UBE2F: variants seen among roughly 807,000 people sequenced by gnomAD.
UBE2F encodes the protein ubiquitin conjugating enzyme E2 F (putative).
A neutral mutation model predicts 29.6 loss-of-function variants in UBE2F; 5 were observed. The observed-to-expected ratio is 0.17, with a 90% confidence interval of 0.09 to 0.36. The LOEUF (loss-of-function observed/expected upper bound fraction) is 0.36, where lower values mean the gene tolerates loss of function less well. UBE2F is among the 10% of genes least tolerant of loss of function. The probability of loss-of-function intolerance (pLI) is 1.00; values close to 1 mark genes in which losing one functional copy is unlikely to be tolerated. For synonymous variants in UBE2F, 66 were observed against 81.8 expected (o/e 0.81, Z 1.04); for missense variants, 141 against 228.5 (o/e 0.62, Z 2.47).
At chr2:237,976,799 G>C (rs1191296100) in intron 2 of UBE2F, among the ~76,000 whole-genome samples, 2 of 152,094 alleles carry the variant, frequency 1.3e-5, no homozygotes, top group East Asian at 3.8e-4. Context: ...ACTTAATGGG[G>C]TAATTCTTGT....
At chr2:238,016,723 C>T in intron 5 of UBE2F, 90 bp downstream of exon 5, 1 of 1,081,856 alleles carries the variant, frequency 9.2e-7, no homozygotes, top group Non-Finnish European at 1.4e-6. Context: ...CCCTAGCACT[C>T]CCCTCTGCGT....
At chr2:237,999,262 G>T (rs2063746582) in intron 4 of UBE2F, among the ~76,000 whole-genome samples, 1 of 152,104 alleles carries the variant, frequency 6.6e-6, no homozygotes, top group Non-Finnish European at 1.5e-5. Context: ...TAGAGACGGG[G>T]TTTTGCTGTG....
intron 5 of UBE2F, among the ~76,000 whole-genome samples, chr2:238,018,059 A>G (rs898230784): frequency 6.6e-6 from 1 of 152,236 alleles, no homozygotes; most frequent in Non-Finnish European, 1.5e-5. Context: ...AAATTTGTAG[A>G]CAAAGATGGG....
intron 1 of UBE2F, among the ~76,000 whole-genome samples, chr2:237,971,355 A>G (rs918674252): frequency 6.6e-6 from 1 of 151,968 alleles, no homozygotes; most frequent in Non-Finnish European, 1.5e-5. Context: ...TTTGAGTCTC[A>G]CTCTGTTGCC....
intron 1 of UBE2F, chr2:237,968,805 C>T: frequency 1.0e-6 from 1 of 981,256 alleles, no homozygotes; most frequent in Non-Finnish European, 1.2e-6. Flanking sequence ...TACCGAAATG[C>T]TGCCTTAGAG....
intron 1 of UBE2F, among the ~76,000 whole-genome samples, chr2:237,972,567 T>TGAGACAGGG (rs1576585818): frequency 5.6e-5 from 4 of 71,940 alleles, no homozygotes; most frequent in East Asian, 5.0e-4. Context: ...TTTTTTTTTT[T>TGAGACAGGG]TGAGACAGGG....
At chr2:237,978,644 G>C (rs951933418) in intron 2 of UBE2F, among the ~76,000 whole-genome samples, 3 of 152,208 alleles carry the variant, frequency 2.0e-5, no homozygotes, top group African/African-American at 7.2e-5. Context: ...CTCTGGGCTG[G>C]AGCTGGAGTG....
intron 2 of UBE2F, among the ~76,000 whole-genome samples, chr2:237,976,733 C>T (rs763100863): frequency 2.5e-4 from 38 of 152,158 alleles, no homozygotes; most frequent in Non-Finnish European, 5.3e-4. Flanking sequence ...TTAATACTAC[C>T]ACAGTGGGGA....
At chr2:238,016,178 C>G (rs2064147387) in intron 4 of UBE2F, among the ~76,000 whole-genome samples, 2 of 152,276 alleles carry the variant, frequency 1.3e-5, no homozygotes, top group Middle Eastern at 3.4e-3. Context: ...AATTGACATT[C>G]TCTTGGGGAG....
rs778748763 is a variant in UBE2F, at chr2:237,971,544, G to A, written c.-16-1548G>A. Among the ~76,000 whole-genome samples the A allele has an allele frequency of 5.9e-5, 9 of 151,970 alleles. No homozygotes were observed. The South Asian group carries it at 6.2e-4, about 10-fold the overall frequency. On this transcript the variant is annotated intron_variant, in intron 1 of 9. Coordinates refer to ENST00000272930, the MANE Select transcript of UBE2F (RefSeq NM_080678.3). ...TCACCATGTTGGCCAGGGTGGTCTCGGTCTCCTGGCCTCATAATCCACCTG... is the reference window on the plus strand; with the variant it reads ...TCACCATGTTGGCCAGGGTGGTCTCAGTCTCCTGGCCTCATAATCCACCTG...
chr2:237,988,779 T>G (rs1056751442), intron 3 of UBE2F, among the ~76,000 whole-genome samples: 14 of 152,120 alleles, frequency 9.2e-5, no homozygotes, highest in Admixed American at 9.2e-4. Flanking sequence ...CAGTTCCACT[T>G]TTGTTAGGGA....
intron 7 of UBE2F, among the ~76,000 whole-genome samples, chr2:238,031,251 C>G (rs1209258859): frequency 6.6e-6 from 1 of 152,242 alleles, no homozygotes; most frequent in East Asian, 1.9e-4. Context: ...GGTCGTGCCT[C>G]TACCTGGAAG....
At chr2:237,980,804 C>A (rs1017076104) in intron 2 of UBE2F, among the ~76,000 whole-genome samples, 1 of 152,154 alleles carries the variant, frequency 6.6e-6, no homozygotes, top group Non-Finnish European at 1.5e-5. Context: ...AGGGCTTGGG[C>A]AGATTACATG....
intron 1 of UBE2F, among the ~76,000 whole-genome samples, chr2:237,972,370 A>C (rs1196118709): frequency 6.6e-6 from 1 of 152,060 alleles, no homozygotes; most frequent in Non-Finnish European, 1.5e-5. Context: ...GGAAGGGCCA[A>C]CTTACCAGTG....
chr2:238,023,725 T>C (rs974023809), intron 5 of UBE2F, among the ~76,000 whole-genome samples: 1 of 152,212 alleles, frequency 6.6e-6, no homozygotes, highest in African/African-American at 2.4e-5. Flanking sequence ...TCCTGTGATT[T>C]GACACTTCTG....
At chr2:237,974,137 G>T (rs1210959940) in intron 2 of UBE2F, among the ~76,000 whole-genome samples, 1 of 149,562 alleles carries the variant, frequency 6.7e-6, no homozygotes, top group Non-Finnish European at 1.5e-5. Flanking sequence ...GAGATTACGG[G>T]CACCCGCCAC....
At chr2:237,968,159 G>A (rs1423305141) in intron 1 of UBE2F, among the ~76,000 whole-genome samples, 2 of 152,130 alleles carry the variant, frequency 1.3e-5, no homozygotes, top group Non-Finnish European at 2.9e-5. Flanking sequence ...AGGAATCCTG[G>A]CTGAGGAGTG....
At chr2:237,988,835 T>A (rs1250093577) in intron 3 of UBE2F, among the ~76,000 whole-genome samples, 1 of 152,170 alleles carries the variant, frequency 6.6e-6, no homozygotes, top group Non-Finnish European at 1.5e-5. Flanking sequence ...CTTGTCTGCA[T>A]GTTTGAGGGG....
intron 4 of UBE2F, 55 bp downstream of exon 4, chr2:237,994,864 G>C: frequency 7.1e-7 from 1 of 1,403,692 alleles, no homozygotes; most frequent in South Asian, 1.2e-5. Flanking sequence ...TATAAAGGCT[G>C]CCCAAACCTG....
Sources: allele counts gnomAD v4.1 joint callset (sites outside exome capture counted in the v4.1 genomes callset), GRCh38; gene constraint gnomAD v4.1.1; transcripts MANE v1.5; gene names NCBI Gene and HGNC (gene_info 2026-07-23, HGNC 2026-07-21).